The following CXADR variants were observed in gnomAD, a reference collection of about 807,000 sequenced individuals.
CXADR encodes CXADR cell adhesion molecule.
CXADR carries 20 observed loss-of-function variants against 40.3 expected under a neutral mutation model. The observed-to-expected ratio is 0.50, with a 90% confidence interval of 0.35 to 0.72. The LOEUF is 0.72. Ranked by LOEUF, CXADR falls within the 30% of genes least tolerant of loss-of-function variation. CXADR has a pLI of 0.01. For missense variants in CXADR, 332 were observed against 449.1 expected, an observed-to-expected ratio of 0.74 and a Z score of 2.36; for synonymous variants, 150 against 161.3, an observed-to-expected ratio of 0.93 and a Z score of 0.53.
At chr21:17,621,810 A>G in the CXADR span, among the ~76,000 whole-genome samples, 1 of 152,220 alleles carries the variant, frequency 6.6e-6, no homozygotes, top group Non-Finnish European at 1.5e-5. Context: ...TTATTCATAA[A>G]TTACCCAGTT....
At chr21:17,557,348 C>G (rs2061049695) in intron 3 of CXADR, among the ~76,000 whole-genome samples, 1 of 152,212 alleles carries the variant, frequency 6.6e-6, no homozygotes, top group East Asian at 1.9e-4. Context: ...CACCTCCTCA[C>G]AGCTCCCACT....
At chr21:17,516,422 A>G (rs999203678) in intron 1 of CXADR, among the ~76,000 whole-genome samples, 2 of 152,212 alleles carry the variant, frequency 1.3e-5, no homozygotes, top group Non-Finnish European at 2.9e-5. Flanking sequence ...CATAGTCTTA[A>G]TTGAATACTT....
the CXADR span, among the ~76,000 whole-genome samples, chr21:17,623,519 C>A: frequency 2.0e-5 from 3 of 152,184 alleles, no homozygotes; most frequent in African/African-American, 7.2e-5. Flanking sequence ...TTTGAACTCA[C>A]CCCATGGTTT....
intron 1 of CXADR, among the ~76,000 whole-genome samples, chr21:17,540,710 A>T (rs931990455): frequency 6.6e-6 from 1 of 152,212 alleles, no homozygotes; most frequent in African/African-American, 2.4e-5. Flanking sequence ...CTGTTCAGTT[A>T]TGAGAGTTCA....
chr21:17,575,000 CATACATACATACAT>C (rs1463037534), downstream of CXADR, among the ~76,000 whole-genome samples: 622 of 9,160 alleles, frequency 0.068, 4 homozygotes, highest in African/African-American at 0.1. Context: ...TATACACACA[CATACATACATACAT>C]ACATACATAC....
rs1428295948 is a variant in CXADR at position 17,568,583 on chromosome 21, G to A, written c.*2891G>A. On this transcript the variant is annotated 3_prime_UTR_variant, in exon 7 of 7. Coordinates refer to ENST00000284878, the MANE Select transcript of CXADR (RefSeq NM_001338.5). ...TTTTTTTTTTTTTTTTTAAGAGATA[G>A]GGTTTCACTATTGCTCAGGCTGGTC... is the stretch of plus-strand genomic sequence containing the variant. 1.0e-6 allele frequency: 1 copy of A among 973,762 alleles called. No homozygotes were observed. The highest frequency in any genetic ancestry group is 6.3e-5 in the Admixed American group (1 of 15,970). 60.3% of individuals were successfully genotyped at this position (973,762 alleles called of 1,614,324 possible).
chr21:17,556,291 T>G (rs1193867286), intron 3 of CXADR, among the ~76,000 whole-genome samples: 3 of 152,208 alleles, frequency 2.0e-5, no homozygotes, highest in Non-Finnish European at 4.4e-5. Context: ...GTAAAAGACT[T>G]GTACTTCCTC....
rs1343844298 is a variant in CXADR, at chr21:17,569,737, G to A, written c.*4045G>A. 4 of 973,564 alleles carry A rather than the reference G, an allele frequency of 4.1e-6. No individual in the cohort carries two copies. The highest frequency in any genetic ancestry group is 4.9e-6 in the Non-Finnish European group (4 of 819,358). 60.3% of individuals were successfully genotyped at this position (973,564 alleles called of 1,614,324 possible). On this transcript the variant is annotated 3_prime_UTR_variant, in exon 7 of 7. Coordinates refer to ENST00000284878, the MANE Select transcript of CXADR (RefSeq NM_001338.5). ...TAATTTAAGAATATAGTACATATCA[G>A]TTGGGTTTGGTTTTGGTCATCGAGA...
At chr21:17,545,772 G>T (rs4818359) in intron 1 of CXADR, among the ~76,000 whole-genome samples, 32,357 of 126,694 alleles carry the variant, frequency 0.26, 3,630 homozygotes, top group South Asian at 0.3. Flanking sequence ...CAACTATTTG[G>T]TTTTTTTTGT....
chr21:17,567,986 CG>C lies in CXADR; in HGVS notation c.*2295del, dbSNP rs1361978640. ...TTCTGTCAGCCAAATAGTACCAATA[CG>C]TTTTCAAGTAGTTCTCACTGATAAT... On this transcript the variant is annotated 3_prime_UTR_variant, in exon 7 of 7. Transcript: ENST00000284878. 2.0e-6 allele frequency: 2 copies of C among 984,750 alleles called. No individual in the cohort carries two copies. The highest frequency in any genetic ancestry group is 2.4e-6 in the Non-Finnish European group (2 of 829,674). 61.0% of individuals were successfully genotyped at this position (984,750 alleles called of 1,614,324 possible).
the CXADR span, chr21:17,609,268 G>T: frequency 2.0e-6 from 2 of 1,001,320 alleles, no homozygotes; most frequent in Non-Finnish European, 2.8e-6. Flanking sequence ...ATTTTATCTT[G>T]TATTTCTTTG....
chr21:17,524,267 G>T (rs1480913684), intron 1 of CXADR, among the ~76,000 whole-genome samples: 1 of 151,670 alleles, frequency 6.6e-6, no homozygotes, highest in African/African-American at 2.4e-5. Context: ...TCTTTTTTCA[G>T]TAGTTACCCA....
intron 2 of CXADR, 100 bp downstream of exon 2, chr21:17,547,293 G>A (rs1365033791): frequency 1.3e-6 from 2 of 1,516,486 alleles, no homozygotes; most frequent in East Asian, 2.3e-5. Context: ...AGGGAGCTAG[G>A]AAGGAAGCCC....
At chr21:17,619,753 A>G in the CXADR span, among the ~76,000 whole-genome samples, 1 of 133,802 alleles carries the variant, frequency 7.5e-6, no homozygotes, top group East Asian at 1.9e-4. Context: ...GTCACCTTCA[A>G]CCATGTTCTT....
chr21:17,524,581 A>C (rs2060574696), intron 1 of CXADR, among the ~76,000 whole-genome samples: 2 of 97,914 alleles, frequency 2.0e-5, no homozygotes, highest in African/African-American at 5.0e-5. Context: ...ATCTCAAAAA[A>C]AAAAAAAAAA....
At chr21:17,515,456 AAAG>A (rs895213045) in intron 1 of CXADR, among the ~76,000 whole-genome samples, 22 of 152,022 alleles carry the variant, frequency 1.4e-4, no homozygotes, top group Admixed American at 1.2e-3. Flanking sequence ...TCAAAAAAAA[AAAG>A]AAGACATACT....
At chr21:17,592,494 AAATT>A (rs372396106) in intron 7 of CXADR, among the ~76,000 whole-genome samples, 7 of 152,036 alleles carry the variant, frequency 4.6e-5, no homozygotes, top group Middle Eastern at 3.4e-3. Context: ...AGCAATAAAT[AAATT>A]CTGTCTGCTA....
At chr21:17,562,411 C>G (rs2061136703) in intron 6 of CXADR, among the ~76,000 whole-genome samples, 1 of 152,138 alleles carries the variant, frequency 6.6e-6, no homozygotes, top group Non-Finnish European at 1.5e-5. Context: ...AACCTCTGCC[C>G]CCTGGGTTCA....
chr21:17,550,351 CAAA>C (rs34284825), intron 2 of CXADR, among the ~76,000 whole-genome samples: 2 of 130,802 alleles, frequency 1.5e-5, no homozygotes, highest in Admixed American at 7.9e-5. Context: ...AAGACTGTCT[CAAA>C]AAAAAAAAAA....
Sources: allele counts gnomAD v4.1 joint callset (sites outside exome capture counted in the v4.1 genomes callset), GRCh38; gene constraint gnomAD v4.1.1; transcripts MANE v1.5; gene names NCBI Gene and HGNC (gene_info 2026-07-23, HGNC 2026-07-21).